BACE2: variants seen among roughly 807,000 people sequenced by gnomAD.
BACE2 encodes 56 kDa aspartic-like protease.
BACE2 carries 17 observed loss-of-function variants against 46.2 expected under a neutral mutation model. The ratio of observed to expected loss-of-function variants is 0.37; its 90% CI spans 0.25 to 0.55. BACE2 has a LOEUF of 0.55. Among genes scored for constraint, BACE2 ranks in the 20% least tolerant of loss-of-function variants. BACE2 has a pLI of 0.82. For synonymous variants in BACE2, 277 were observed against 295.9 expected, an observed-to-expected ratio of 0.94 and a Z score of 0.66; for missense variants, 595 against 698.1, an observed-to-expected ratio of 0.85 and a Z score of 1.66.
intron 3 of BACE2, among the ~76,000 whole-genome samples, chr21:41,241,130 G>A (rs780734540): frequency 3.6e-4 from 55 of 152,082 alleles, no homozygotes; most frequent in Admixed American, 2.4e-3. Flanking sequence ...GGACCTTCCC[G>A]CTTCCCTTTG....
intron 1 of BACE2, chr21:41,175,483 T>C (rs1188983895): frequency 1.3e-5 from 2 of 152,268 alleles, no homozygotes; most frequent in Non-Finnish European, 2.9e-5. Flanking sequence ...GTGTTCCCAC[T>C]TCAGAGCCCC....
chr21:41,190,875 C>A (rs1349618582), intron 1 of BACE2, among the ~76,000 whole-genome samples: 2 of 152,210 alleles, frequency 1.3e-5, no homozygotes, highest in Admixed American at 6.5e-5. Flanking sequence ...CCATCTTAGC[C>A]TGTTGACTTA....
chr21:41,246,055 G>A lies in BACE2; in HGVS notation c.976G>A (p.Ala326Thr), dbSNP rs1396519038. ...FDAVVEAVAR[A>T]SLIPEFSDGF... ...TGCGGTGGTGGAAGCTGTGGCCCGC[G>A]CATCTCTGGTGAGTCCTCGGGACAC... Residue 326 changes from alanine to threonine, a missense_variant, in exon 6 of 9, where the codon GCA becomes ACA. Around this residue, in one of 3 missense-constraint regions of BACE2, gnomAD observed 343 missense variants for 419.4 expected, o/e 0.82. Coordinates refer to ENST00000330333, the MANE Select transcript of BACE2 (RefSeq NM_012105.5). 1.7e-5 allele frequency: 27 copies of A among 1,601,144 alleles called. No homozygotes were observed. The highest frequency in any genetic ancestry group is 6.8e-5 in the East Asian group (3 of 44,332).
At chr21:41,264,437 G>A (rs1988018633) in intron 8 of BACE2, among the ~76,000 whole-genome samples, 1 of 151,902 alleles carries the variant, frequency 6.6e-6, no homozygotes, top group South Asian at 2.1e-4. Context: ...AAGACATACT[G>A]GGACTGGGTA....
In BACE2 at chr21:41,179,143, G is replaced by A. The variant is rs369889762; in HGVS notation, c.312+10568G>A. ...TGAGGAGTGAGGGTGTCAGGGTGAG[G>A]AGTGAGGGTGTCCAGGGTGAGGAGT... On this transcript the variant is annotated intron_variant, in intron 1 of 8. Transcript: ENST00000330333. The A allele has an allele frequency of 4.0e-6, 5 of 1,248,734 alleles. No individual in the cohort carries two copies. In the African/African-American group the frequency reaches 6.4e-5, roughly 16 times the overall value. 77.4% of individuals were successfully genotyped at this position (1,248,734 alleles called of 1,614,324 possible). A position where few individuals can be genotyped will look rare whatever the true frequency, so the allele number is the denominator to read the frequency against.
At position 41,275,830 on chromosome 21, in the gene BACE2, A is replaced by AT. The variant is rs2088482656; in HGVS notation, c.*208dup. 3.0e-6 allele frequency: 2 copies of AT among 675,006 alleles called. No individual in the cohort carries two copies. Among genetic ancestry groups the AT allele is most frequent in the African/African-American group, 3.7e-5 (2 of 54,648 alleles). 41.8% of individuals were successfully genotyped at this position (675,006 alleles called of 1,614,324 possible). On this transcript the variant is annotated 3_prime_UTR_variant, in exon 9 of 9. Transcript: ENST00000330333. Reference sequence around the variant, plus strand: ...ATCCTCCCTACTTCCAAGAAAAATAATTAAAAAAAAAACTTCATTCTAAAC... The same window carrying AT: ...ATCCTCCCTACTTCCAAGAAAAATAATTTAAAAAAAAAACTTCATTCTAAAC...
chr21:41,240,869 C>T (rs1601298329), intron 3 of BACE2, among the ~76,000 whole-genome samples: 2 of 152,252 alleles, frequency 1.3e-5, no homozygotes, highest in Admixed American at 1.3e-4. Context: ...CTCTCACTCC[C>T]TCTGGAATCA....
At chr21:41,271,159 T>A (rs1322530887) in intron 8 of BACE2, among the ~76,000 whole-genome samples, 1 of 152,212 alleles carries the variant, frequency 6.6e-6, no homozygotes, top group Non-Finnish European at 1.5e-5. Flanking sequence ...TTTTTTTCCA[T>A]CTGTTTAGTT....
rs1372254863 is a variant in BACE2, at chr21:41,241,684, C to G, written c.619-135C>G. ...CTGAATTCCTAGACCCAATCACAAG[C>G]TGGTGTACTGTTGAACCATGAAAAA... On this transcript the variant is annotated intron_variant, in intron 3 of 8. Transcript: ENST00000330333. 4.1e-6 allele frequency: 4 copies of G among 976,062 alleles called. No homozygotes were observed. In the African/African-American group the frequency reaches 6.5e-5, roughly 16 times the overall value. 60.5% of individuals were successfully genotyped at this position (976,062 alleles called of 1,614,324 possible). A position where few individuals can be genotyped will look rare whatever the true frequency, so the allele number is the denominator to read the frequency against.
At chr21:41,239,277 G>A (rs1987223471) in intron 3 of BACE2, among the ~76,000 whole-genome samples, 1 of 152,216 alleles carries the variant, frequency 6.6e-6, no homozygotes, top group Non-Finnish European at 1.5e-5. Flanking sequence ...TTAGGCCCTA[G>A]GCTGAGAAGA....
In BACE2 at chr21:41,281,488, T is replaced by C. The variant is rs2088548592; in HGVS notation, c.*5864T>C. 2.0e-5 allele frequency: 3 copies of C among 152,240 alleles called. No homozygotes were observed. 9.4% of individuals were successfully genotyped at this position (152,240 alleles called of 1,614,324 possible). A position where few individuals can be genotyped will look rare whatever the true frequency, so the allele number is the denominator to read the frequency against. ...GATAAGAATATCATAAGCAGGGAAGTGTCTCCAAAGGTCAGGACATATGTT... is the reference window on the plus strand; with the variant it reads ...GATAAGAATATCATAAGCAGGGAAGCGTCTCCAAAGGTCAGGACATATGTT... On this transcript the variant is annotated 3_prime_UTR_variant, in exon 9 of 9. Transcript: ENST00000330333.
chr21:41,170,923 T>TTA (rs1161459324), intron 1 of BACE2, among the ~76,000 whole-genome samples: 1 of 152,162 alleles, frequency 6.6e-6, no homozygotes, highest in Non-Finnish European at 1.5e-5. Context: ...CTCGGGGGTC[T>TTA]TATACGCATT....
At chr21:41,179,203 T>A (rs77271505) in intron 1 of BACE2, 15 of 1,048,802 alleles carry the variant, frequency 1.4e-5, no homozygotes, top group Non-Finnish European at 1.6e-5. Flanking sequence ...GGTGTCCAGG[T>A]TGAGTGAGGG....
At chr21:41,248,674 G>A (rs1568885951) in intron 6 of BACE2, among the ~76,000 whole-genome samples, 1 of 152,234 alleles carries the variant, frequency 6.6e-6, no homozygotes, top group Non-Finnish European at 1.5e-5. Context: ...GAGAACATGG[G>A]ATGGATGAAC....
intron 8 of BACE2, among the ~76,000 whole-genome samples, chr21:41,265,904 T>C (rs1302837909): frequency 1.3e-5 from 2 of 152,230 alleles, no homozygotes; most frequent in Admixed American, 1.3e-4. Context: ...TCAAGTACTT[T>C]CATGTTTGAT....
chr21:41,207,941 T>G (rs149136916), intron 1 of BACE2, among the ~76,000 whole-genome samples: 2 of 152,358 alleles, frequency 1.3e-5, no homozygotes, highest in African/African-American at 2.4e-5. Flanking sequence ...TCAGGCATGC[T>G]GCTCTGTGGC....
intron 8 of BACE2, among the ~76,000 whole-genome samples, chr21:41,270,034 A>G (rs1007756874): frequency 7.9e-5 from 12 of 152,204 alleles, no homozygotes; most frequent in Non-Finnish European, 1.3e-4. Context: ...TTTAATAGGT[A>G]TTAATATTTA....
chr21:41,226,520 A>G (rs1341954948), intron 2 of BACE2, among the ~76,000 whole-genome samples, 166 bp downstream of exon 2: 1 of 152,244 alleles, frequency 6.6e-6, no homozygotes, highest in Non-Finnish European at 1.5e-5. Context: ...GCATATGTAC[A>G]TGTTCATTCC....
chr21:41,242,337 CTT>C (rs896402430), intron 4 of BACE2, among the ~76,000 whole-genome samples: 1 of 110,742 alleles, frequency 9.0e-6, no homozygotes, highest in African/African-American at 2.6e-5. Context: ...CTTGTAGATC[CTT>C]TCTCTCTCTC....
Sources: gnomAD v4.1 joint callset for allele counts (sites outside exome capture counted in the v4.1 genomes callset) on GRCh38, gnomAD v4.1.1 for gene constraint, gnomAD v4.1.1 regional missense constraint, MANE v1.5 for transcripts, NCBI Gene and HGNC (gene_info 2026-07-23, HGNC 2026-07-21) for gene names.